The following EFNA5 variants were observed in gnomAD, a reference collection of about 807,000 sequenced individuals.
EFNA5 encodes ephrin-A5.
A neutral mutation model predicts 22.9 loss-of-function variants in EFNA5; 5 were observed. The observed-to-expected ratio is 0.22, with a 90% CI of 0.11 to 0.46. EFNA5 has a LOEUF of 0.46. Ranked by LOEUF, EFNA5 falls within the 20% of genes least tolerant of loss-of-function variation. The probability of loss-of-function intolerance (pLI) is 0.99; values close to 1 mark genes in which losing one functional copy is unlikely to be tolerated. For missense variants in EFNA5, 237 were observed against 293.3 expected, an observed-to-expected ratio of 0.81 and a Z score of 1.40; for synonymous variants, 113 against 112.2, an observed-to-expected ratio of 1.01 and a Z score of -0.04.
At chr5:107,640,888 G>A (rs1490373937) in intron 1 of EFNA5, among the ~76,000 whole-genome samples, 1 of 152,090 alleles carries the variant, frequency 6.6e-6, no homozygotes, top group Non-Finnish European at 1.5e-5. Context: ...GGGAGCCAGT[G>A]GGTATACCCA....
intron 1 of EFNA5, among the ~76,000 whole-genome samples, chr5:107,574,536 T>G (rs1446616114): frequency 6.6e-6 from 1 of 152,236 alleles, no homozygotes; most frequent in Non-Finnish European, 1.5e-5. Context: ...GCAGCCTTTA[T>G]TCTCATAAGA....
At chr5:107,670,384 G>A (rs1250613649) in intron 1 of EFNA5, 105 bp downstream of exon 1, 1 of 1,384,554 alleles carries the variant, frequency 7.2e-7, no homozygotes, top group Non-Finnish European at 9.4e-7. Flanking sequence ...CAGGCTCCGA[G>A]GGTGCGCGCC....
chr5:107,575,746 G>T (rs186078234), intron 1 of EFNA5, among the ~76,000 whole-genome samples: 2 of 152,210 alleles, frequency 1.3e-5, no homozygotes, highest in Non-Finnish European at 2.9e-5. Flanking sequence ...AAAAGATTTG[G>T]TAAAAATTCA....
intron 1 of EFNA5, among the ~76,000 whole-genome samples, chr5:107,427,821 G>A (rs1170293724): frequency 6.6e-6 from 1 of 152,032 alleles, no homozygotes; most frequent in Non-Finnish European, 1.5e-5. Flanking sequence ...AGGTACTAGT[G>A]TGCTGTTTTC....
chr5:107,385,147 T>G (rs1391201056), intron 4 of EFNA5, among the ~76,000 whole-genome samples: 1 of 152,124 alleles, frequency 6.6e-6, no homozygotes, highest in Non-Finnish European at 1.5e-5. Context: ...TGTCCATCAA[T>G]TTTGGGCCAT....
chr5:107,643,260 A>C (rs536831715), intron 1 of EFNA5, among the ~76,000 whole-genome samples: 41 of 152,314 alleles, frequency 2.7e-4, no homozygotes, highest in Non-Finnish European at 4.6e-4. Flanking sequence ...GGGTTCTGAT[A>C]AGCACTGGAC....
intron 2 of EFNA5, 131 bp downstream of exon 2, chr5:107,427,086 T>C (rs1748828531): frequency 7.4e-6 from 7 of 944,958 alleles, no homozygotes; most frequent in South Asian, 6.0e-5. Flanking sequence ...CTAGGGATCC[T>C]GATGTACGCA....
intron 1 of EFNA5, among the ~76,000 whole-genome samples, chr5:107,507,628 G>C (rs796885249): frequency 3.9e-4 from 59 of 152,028 alleles, no homozygotes; most frequent in African/African-American, 1.4e-3. Context: ...CTTGAGCTCA[G>C]GAGTTTGAGA....
At chr5:107,665,101 G>A (rs1751039520) in intron 1 of EFNA5, among the ~76,000 whole-genome samples, 1 of 152,014 alleles carries the variant, frequency 6.6e-6, no homozygotes, top group South Asian at 2.1e-4. Context: ...TTATTTTAAT[G>A]CTTTCTCTCT....
chr5:107,439,008 C>T (rs192111652), intron 1 of EFNA5, among the ~76,000 whole-genome samples: 6 of 152,258 alleles, frequency 3.9e-5, no homozygotes, highest in Admixed American at 3.3e-4. Flanking sequence ...GTATGGCTCT[C>T]TATTTTAGGA....
rs186835796 is a variant in EFNA5, at chr5:107,439,895, T to G, written c.126-12386A>C. Among the ~76,000 whole-genome samples, 8 of 152,302 alleles carry G rather than the reference T, an allele frequency of 5.3e-5. No individual in the cohort carries two copies. In the East Asian group the frequency reaches 1.3e-3, roughly 26 times the overall value. The stretch of plus-strand genomic sequence containing the variant: ...ACCACCCTTCAACAATTGTATTAAG[T>G]GCATTCTAGGGGCAAAAGAAACCAC... On this transcript the variant is annotated intron_variant, in intron 1 of 4. Transcript: ENST00000333274.
At chr5:107,635,535 T>C (rs1422062857) in intron 1 of EFNA5, among the ~76,000 whole-genome samples, 1 of 152,224 alleles carries the variant, frequency 6.6e-6, no homozygotes, top group African/African-American at 2.4e-5. Context: ...TTTCAATGTG[T>C]AAGTGCTTCT....
chr5:107,455,019 G>A (rs1032229606), intron 1 of EFNA5, among the ~76,000 whole-genome samples: 1 of 152,152 alleles, frequency 6.6e-6, no homozygotes. Flanking sequence ...AACACTAAAT[G>A]CAGATTTCCA....
At chr5:107,391,594 A>G (rs78987766) in intron 2 of EFNA5, among the ~76,000 whole-genome samples, 2,484 of 152,334 alleles carry the variant, frequency 0.016, 67 homozygotes, top group African/African-American at 0.056. Context: ...AACTAAAATG[A>G]GAAATGTCTT....
chr5:107,432,402 A>C (rs154647), intron 1 of EFNA5, among the ~76,000 whole-genome samples: 61,755 of 152,094 alleles, frequency 0.41, 12,914 homozygotes, highest in East Asian at 0.54. Flanking sequence ...CATATTTGTA[A>C]ATTTCTTGGA....
At position 107,625,429 on chromosome 5, in the gene EFNA5, A is replaced by C. The variant is rs565447577; in HGVS notation, c.125+45060T>G. Among the ~76,000 whole-genome samples the C allele has an allele frequency of 1.6e-3, 250 of 152,312 alleles. 2 individuals are homozygous for C. Among genetic ancestry groups the C allele is most frequent in the African/African-American group, 5.8e-3 (243 of 41,570 alleles). Reference sequence around the variant, plus strand: ...GAAAAATAAAAAAAAAATCACCAGCAGGCAGCATGCCTTGTTGATTATTTT... The same window carrying C: ...GAAAAATAAAAAAAAAATCACCAGCCGGCAGCATGCCTTGTTGATTATTTT... On this transcript the variant is annotated intron_variant, in intron 1 of 4. Coordinates refer to ENST00000333274, the MANE Select transcript of EFNA5 (RefSeq NM_001962.3).
chr5:107,466,446 A>C (rs1471817960), intron 1 of EFNA5, among the ~76,000 whole-genome samples: 1 of 152,040 alleles, frequency 6.6e-6, no homozygotes, highest in Non-Finnish European at 1.5e-5. Flanking sequence ...CTCCACTCCC[A>C]CACCTCAGCA....
intron 1 of EFNA5, among the ~76,000 whole-genome samples, chr5:107,630,639 T>C (rs917400981): frequency 2.0e-5 from 3 of 152,150 alleles, no homozygotes; most frequent in Non-Finnish European, 4.4e-5. Flanking sequence ...GTAGACTTTA[T>C]GAACACTGGA....
chr5:107,657,045 A>G (rs990103803), intron 1 of EFNA5, among the ~76,000 whole-genome samples: 1 of 152,158 alleles, frequency 6.6e-6, no homozygotes, highest in African/African-American at 2.4e-5. Flanking sequence ...ACGCAGTTAA[A>G]TCTGTATAGG....
Sources: allele counts gnomAD v4.1 joint callset (sites outside exome capture counted in the v4.1 genomes callset), GRCh38; gene constraint gnomAD v4.1.1; transcripts MANE v1.5; gene names NCBI Gene and HGNC (gene_info 2026-07-23, HGNC 2026-07-21).